Variants in CD1B observed in about 807,000 individuals in gnomAD.
CD1B encodes the protein T-cell surface glycoprotein CD1b.
Under a neutral mutation model 39.8 loss-of-function variants are expected in CD1B, and 43 were observed. That is an observed-to-expected ratio of 1.08 (90% CI 0.85 to 1.39). The LOEUF is 1.39. Among genes scored for constraint, CD1B ranks in the 40% most tolerant of loss-of-function variants. The pLI, the probability that CD1B is intolerant of heterozygous loss-of-function variation, is 0.00. For missense variants in CD1B, 495 were observed against 403.8 expected, an observed-to-expected ratio of 1.23 and a Z score of -1.94; for synonymous variants, 192 against 152.5, an observed-to-expected ratio of 1.26 and a Z score of -1.91.
At chr1:158,320,472 C>T in the CD1B span, among the ~76,000 whole-genome samples, 3 of 152,200 alleles carry the variant, frequency 2.0e-5, no homozygotes, top group African/African-American at 7.2e-5. Flanking sequence ...AACTCCCTGA[C>T]CCCTTGCACT....
chr1:158,295,285 G>C, the CD1B span, among the ~76,000 whole-genome samples: 3 of 151,974 alleles, frequency 2.0e-5, no homozygotes, highest in Non-Finnish European at 2.9e-5. Context: ...TGGGCTGAAG[G>C]GGGGAAGAAG....
the CD1B span, among the ~76,000 whole-genome samples, chr1:158,299,018 G>A: frequency 2.0e-5 from 3 of 152,008 alleles, no homozygotes; most frequent in Non-Finnish European, 4.4e-5. Context: ...TCTTTCTCTT[G>A]CCTGATTGCC....
the CD1B span, chr1:158,292,792 G>A: frequency 1.2e-6 from 2 of 1,614,212 alleles, no homozygotes; most frequent in Non-Finnish European, 1.7e-6. Context: ...TGATCCTGGA[G>A]GTGGCATCTG....
the CD1B span, among the ~76,000 whole-genome samples, chr1:158,297,827 G>A: frequency 3.3e-5 from 5 of 151,856 alleles, no homozygotes; most frequent in African/African-American, 1.2e-4. Context: ...CCCAGCTACT[G>A]AGGAGGCTGA....
At chr1:158,313,634 T>G in the CD1B span, among the ~76,000 whole-genome samples, 147 of 152,258 alleles carry the variant, frequency 9.7e-4, 1 homozygote, top group African/African-American at 3.4e-3. Flanking sequence ...TTGTTTTTGT[T>G]GTGTCATCTA....
At chr1:158,309,497 T>C in the CD1B span, among the ~76,000 whole-genome samples, 2 of 152,128 alleles carry the variant, frequency 1.3e-5, no homozygotes, top group Non-Finnish European at 2.9e-5. Context: ...ACCCAAAGGA[T>C]TATAAATCAT....
rs1445917967 is a variant in CD1B at position 158,329,853 on chromosome 1, T to TGCAAAC, written c.605_606insGTTTGC (p.Gln202_Val203insPheAla). ...AAGTGAAATAACAGCAGGACTAACC[T>TGCAAAC]TGTCTTTGCAGATCTGCTTTTCCTG... is the stretch of plus-strand genomic sequence containing the variant. On this transcript the variant is annotated inframe_insertion and splice_region_variant, in exon 3 of 6. Coordinates refer to ENST00000368168, the MANE Select transcript of CD1B (RefSeq NM_001764.3). The TGCAAAC allele has an allele frequency of 1.2e-6, 2 of 1,612,350 alleles. No homozygotes were observed. Among genetic ancestry groups the TGCAAAC allele is most frequent in the African/African-American group, 2.7e-5 (2 of 74,880 alleles).
At chr1:158,292,684 G>A in the CD1B span, 1 of 1,614,064 alleles carries the variant, frequency 6.2e-7, no homozygotes, top group Non-Finnish European at 8.5e-7. Context: ...TCTACCCAAA[G>A]CCTGTTTGGG....
chr1:158,315,695 C>T, the CD1B span, among the ~76,000 whole-genome samples: 2 of 151,736 alleles, frequency 1.3e-5, no homozygotes, highest in Non-Finnish European at 2.9e-5. Context: ...GCTTTTGTTG[C>T]CATTGCTTTT....
At chr1:158,305,575 A>G in the CD1B span, among the ~76,000 whole-genome samples, 1 of 152,200 alleles carries the variant, frequency 6.6e-6, no homozygotes, top group Non-Finnish European at 1.5e-5. Flanking sequence ...CAGGAAATAC[A>G]GAGAATGCCA....
chr1:158,301,655 C>T, the CD1B span, among the ~76,000 whole-genome samples: 2 of 152,166 alleles, frequency 1.3e-5, no homozygotes, highest in African/African-American at 4.8e-5. Context: ...GCAGAGAAAT[C>T]AGCTGTTAGT....
rs764656797 is a variant in CD1B, at chr1:158,330,083, C to T, written c.376G>A (p.Gly126Ser). ...CCCCTCAGGAAGCTTACTATGGCAC[C>T]TCCAGAATGTAGCTCACAGCCTGCT... ...GIAGCELHSG[G>S]AIVSFLRGAL... The change falls in exon 3 of 6, where the codon GGT (glycine) becomes AGT (serine). Residue 126 changes from glycine to serine, a missense_variant. By Grantham distance (56) the Gly-to-Ser change is moderately conservative. Transcript: ENST00000368168. 6.8e-6 allele frequency: 11 copies of T among 1,613,866 alleles called. 2 individuals carry two copies. The South Asian group carries it at 7.7e-5, about 11-fold the overall frequency.
At chr1:158,295,207 A>T in the CD1B span, among the ~76,000 whole-genome samples, 1 of 151,994 alleles carries the variant, frequency 6.6e-6, no homozygotes, top group East Asian at 1.9e-4. Flanking sequence ...CATCAAGAAG[A>T]GCAGTATACT....
At chr1:158,298,805 G>T in the CD1B span, among the ~76,000 whole-genome samples, 1 of 152,054 alleles carries the variant, frequency 6.6e-6, no homozygotes, top group Non-Finnish European at 1.5e-5. Flanking sequence ...CTCATGATTT[G>T]GCTCTCTGTT....
chr1:158,293,394 C>T, the CD1B span: 1 of 1,599,784 alleles, frequency 6.3e-7, no homozygotes, highest in Non-Finnish European at 8.6e-7. Context: ...ACTACTCCAC[C>T]TTATCCTCAG....
chr1:158,293,177 A>C, the CD1B span: 1 of 1,503,274 alleles, frequency 6.7e-7, no homozygotes. Flanking sequence ...CAGTGAGTTT[A>C]AAATGGCATC....
At chr1:158,287,680 G>C in the CD1B span, among the ~76,000 whole-genome samples, 2 of 152,100 alleles carry the variant, frequency 1.3e-5, no homozygotes, top group Non-Finnish European at 2.9e-5. Flanking sequence ...CAACTTGTTT[G>C]CTTCTGAATT....
rs1253524046 is a variant in CD1B, at chr1:158,328,088, T to C, written c.*148A>G. On this transcript the variant is annotated 3_prime_UTR_variant, in exon 6 of 6. Coordinates refer to ENST00000368168, the MANE Select transcript of CD1B (RefSeq NM_001764.3). Reference sequence around the variant, plus strand: ...AGTTTTAAGTACTTTTTTGCTGATGTTTAAATAATAATTTATTTTAAAATA... The same window carrying C: ...AGTTTTAAGTACTTTTTTGCTGATGCTTAAATAATAATTTATTTTAAAATA... The C allele has an allele frequency of 1.5e-6, 1 of 666,058 alleles. No individual in the cohort carries two copies. Among genetic ancestry groups the C allele is most frequent in the Non-Finnish European group, 2.6e-6 (1 of 387,916 alleles). The allele number at this position is 666,058 out of a possible 1,614,324, so 41.3% of individuals were successfully genotyped here.
At chr1:158,308,318 A>C in the CD1B span, among the ~76,000 whole-genome samples, 3 of 152,198 alleles carry the variant, frequency 2.0e-5, no homozygotes, top group South Asian at 4.1e-4. Context: ...ACCACTGCTC[A>C]GTGAAATAAA....
Sources: gnomAD v4.1 joint callset for allele counts (sites outside exome capture counted in the v4.1 genomes callset) on GRCh38, gnomAD v4.1.1 for gene constraint, MANE v1.5 for transcripts, NCBI Gene and HGNC (gene_info 2026-07-23, HGNC 2026-07-21) for gene names.